The following GABRA3 variants were observed in gnomAD, a reference collection of about 807,000 sequenced individuals.
GABRA3 encodes gamma-aminobutyric acid receptor subunit alpha-3.
Under a neutral mutation model 30.1 loss-of-function variants are expected in GABRA3, and 10 were observed. That is an observed-to-expected ratio of 0.33 (90% CI 0.20 to 0.56). The LOEUF (loss-of-function observed/expected upper bound fraction) is 0.56. Among genes scored for constraint, GABRA3 ranks in the 20% least tolerant of loss-of-function variants. The pLI is 0.89. For synonymous variants in GABRA3, 151 were observed against 146.8 expected (o/e 1.03, Z -0.21); for missense variants, 233 against 392.0 (o/e 0.59, Z 3.42).
chrX:152,302,609 T>A (rs1321772732), intron 3 of GABRA3, among the ~76,000 whole-genome samples: 2 of 111,350 alleles, frequency 1.8e-5, no homozygotes, highest in African/African-American at 6.5e-5. Context: ...ATTCAGGGGT[T>A]ACATGTTCAG....
At chrX:152,361,077 TA>T (rs1174358209) in intron 2 of GABRA3, among the ~76,000 whole-genome samples, 1 of 92,047 alleles carries the variant, frequency 1.1e-5, no homozygotes, top group Admixed American at 1.3e-4. Flanking sequence ...GGTAGCAGAG[TA>T]AGACCACGTC....
At chrX:152,439,934 A>C (rs1018753869) in intron 1 of GABRA3, among the ~76,000 whole-genome samples, 1 of 111,973 alleles carries the variant, frequency 8.9e-6, no homozygotes, top group Non-Finnish European at 1.9e-5. Flanking sequence ...AAGAAAACCT[A>C]GGCAATACCA....
rs1266545926 is a variant in GABRA3, at chrX:152,309,334, GT to G, written c.263-24600del. On this transcript the variant is annotated intron_variant, in intron 3 of 9. Coordinates refer to ENST00000370314, the MANE Select transcript of GABRA3 (RefSeq NM_000808.4). ...AAGACGACTATCCCCAAAACACATA[GT>G]CATCAGATTCTCAAAGGTCAACATA... Among the ~76,000 whole-genome samples, 6 of 111,045 alleles carry G rather than the reference GT, an allele frequency of 5.4e-5. No individual in the cohort carries two copies. The Admixed American group carries it at 5.7e-4, about 11-fold the overall frequency.
At chrX:152,442,502 TA>T (rs1458479088) in intron 1 of GABRA3, among the ~76,000 whole-genome samples, 4 of 111,471 alleles carry the variant, frequency 3.6e-5, no homozygotes, top group African/African-American at 1.3e-4. Flanking sequence ...CATAATCAAT[TA>T]GCAGAAATAA....
Position 152,211,006 on chromosome X carries a change from C to T in GABRA3, c.635-2862G>A, listed in dbSNP as rs144083957. 9.7e-3 allele frequency among the ~76,000 whole-genome samples: 1,081 copies of T among 111,302 alleles called. 9 individuals carry two copies. The highest frequency in any genetic ancestry group is 0.034 in the African/African-American group (1,033 of 30,602). On this transcript the variant is annotated intron_variant, in intron 6 of 9. Transcript: ENST00000370314. ...AGACCCTTGTGCTCTCATTTTTCCC[C>T]AGAGTCTTTTATCTTTAGTACATAT...
intron 6 of GABRA3, among the ~76,000 whole-genome samples, chrX:152,215,357 G>C (rs962163891): frequency 9.0e-6 from 1 of 110,715 alleles, no homozygotes; most frequent in Non-Finnish European, 1.9e-5. Context: ...AATTAGTTAA[G>C]AGCTTTCATC....
At chrX:152,355,929 G>C (rs1023610340) in intron 2 of GABRA3, among the ~76,000 whole-genome samples, 1 of 111,385 alleles carries the variant, frequency 9.0e-6, no homozygotes, top group African/African-American at 3.3e-5. Context: ...TGCAGGACTG[G>C]GAATCAGAAA....
chrX:152,356,435 G>A (rs758430550), intron 2 of GABRA3, among the ~76,000 whole-genome samples: 3 of 111,089 alleles, frequency 2.7e-5, no homozygotes, highest in Non-Finnish European at 5.7e-5. Flanking sequence ...AAGAAAGTAC[G>A]GAAATAATCA....
chrX:152,420,887 G>A (rs1284179159), intron 1 of GABRA3, among the ~76,000 whole-genome samples: 1 of 110,335 alleles, frequency 9.1e-6, no homozygotes, highest in South Asian at 3.9e-4. Flanking sequence ...TGTCAAGGTC[G>A]GGACCAGGTG....
intron 1 of GABRA3, among the ~76,000 whole-genome samples, chrX:152,374,475 C>T (rs1010139448): frequency 1.2e-4 from 13 of 107,760 alleles, no homozygotes; most frequent in African/African-American, 4.1e-4. Flanking sequence ...CTCAGCCTCC[C>T]GAGTAGCTGG....
chrX:152,421,126 CACACACAA>C (rs1424771211), intron 1 of GABRA3, among the ~76,000 whole-genome samples: 1 of 108,468 alleles, frequency 9.2e-6, no homozygotes, highest in African/African-American at 3.4e-5. Context: ...CACACACACA[CACACACAA>C]GGCACCTATA....
intron 5 of GABRA3, among the ~76,000 whole-genome samples, chrX:152,245,816 T>C (rs1279356846): frequency 9.0e-6 from 1 of 111,572 alleles, no homozygotes; most frequent in Non-Finnish European, 1.9e-5. Flanking sequence ...ATCTAAGGGC[T>C]CTTTGGACAA....
chrX:152,429,728 T>C (rs974957920), intron 1 of GABRA3, among the ~76,000 whole-genome samples: 2 of 112,235 alleles, frequency 1.8e-5, no homozygotes, highest in Non-Finnish European at 3.8e-5. Context: ...TCTTCTCTTC[T>C]TCCTGTCTGT....
chrX:152,257,256 G>C (rs1049121101), intron 4 of GABRA3, among the ~76,000 whole-genome samples: 6 of 111,978 alleles, frequency 5.4e-5, no homozygotes, highest in African/African-American at 1.9e-4. Context: ...CTCTGGATTG[G>C]AAGATGGAAA....
chrX:152,238,091 CCAGTTTTTGCCTATT>C (rs1938266873), intron 5 of GABRA3, among the ~76,000 whole-genome samples: 1 of 107,603 alleles, frequency 9.3e-6, no homozygotes, highest in Non-Finnish European at 1.9e-5. Flanking sequence ...GGGAATGCTT[CCAGTTTTTGCCTATT>C]CAGTATGATA....
At chrX:152,188,684 A>C (rs1418796963) in intron 9 of GABRA3, among the ~76,000 whole-genome samples, 1 of 112,113 alleles carries the variant, frequency 8.9e-6, no homozygotes, top group East Asian at 2.8e-4. Context: ...GGAGTTAATA[A>C]ATTTTATCTA....
At chrX:152,423,832 G>A (rs1930441663) in intron 1 of GABRA3, among the ~76,000 whole-genome samples, 1 of 110,618 alleles carries the variant, frequency 9.0e-6, no homozygotes, top group African/African-American at 3.3e-5. Flanking sequence ...TATTACAATT[G>A]GATTACAAAT....
chrX:152,171,361 C>A (rs1197831266), intron 9 of GABRA3: 1 of 606,810 alleles, frequency 1.6e-6, no homozygotes, highest in African/African-American at 2.5e-5. Context: ...GGGAAAATTA[C>A]CTTTTAATTT....
At chrX:152,189,603 T>C in intron 9 of GABRA3, 127 bp downstream of exon 9, 2 of 479,729 alleles carry the variant, frequency 4.2e-6, no homozygotes, top group South Asian at 3.7e-5. Flanking sequence ...AGTTGAGAAC[T>C]GGATTGATGA....
Sources: allele counts gnomAD v4.1 joint callset (sites outside exome capture counted in the v4.1 genomes callset), GRCh38; gene constraint gnomAD v4.1.1; transcripts MANE v1.5; gene names NCBI Gene and HGNC (gene_info 2026-07-23, HGNC 2026-07-21).